The following SLC12A3 variants were observed in gnomAD, a reference collection of about 807,000 sequenced individuals.
SLC12A3 encodes the protein Na-Cl cotransporter.
In SLC12A3, 104 loss-of-function variants were observed where a neutral mutation model predicts 121.0. The observed-to-expected ratio is 0.86, with a 90% CI of 0.73 to 1.01. The LOEUF is 1.01. Ranked by LOEUF, SLC12A3 falls within the 50% of genes least tolerant of loss-of-function variation. The pLI, the probability that SLC12A3 is intolerant of heterozygous loss-of-function variation, is 0.00. For synonymous variants in SLC12A3, 536 were observed against 533.4 expected, an observed-to-expected ratio of 1.00 and a Z score of -0.07; for missense variants, 1,328 against 1,356.3, an observed-to-expected ratio of 0.98 and a Z score of 0.33.
intron 8 of SLC12A3, among the ~76,000 whole-genome samples, chr16:56,873,851 A>C (rs138811332): frequency 6.6e-6 from 1 of 151,678 alleles, no homozygotes; most frequent in African/African-American, 2.4e-5. Context: ...AGTTGAGACT[A>C]CAGGCACCTG....
intron 3 of SLC12A3, among the ~76,000 whole-genome samples, chr16:56,869,001 C>T (rs1964427701): frequency 6.6e-6 from 1 of 151,834 alleles, no homozygotes. Flanking sequence ...AAAAAGAAAG[C>T]TGCATTCTGG....
Position 56,879,138 on chromosome 16 carries a change from T to C in SLC12A3, c.1246T>C (p.Cys416Arg). 6.2e-7 allele frequency: 1 copy of C among 1,613,828 alleles called. No homozygotes were observed. The change falls in exon 10 of 26, where the codon TGC becomes CGC. Residue 416 changes from cysteine to arginine, a missense_variant. Transcript: ENST00000563236. ...NDTVTPGWGA[C>R]EGLACSYGWN... Reference sequence around the variant, plus strand: ...CACAGTGACCCCTGGCTGGGGTGCCTGCGAGGGGCTGGCCTGCAGCTATGG... The same window carrying C: ...CACAGTGACCCCTGGCTGGGGTGCCCGCGAGGGGCTGGCCTGCAGCTATGG...
chr16:56,874,742 T>A (rs1366535102), intron 8 of SLC12A3, among the ~76,000 whole-genome samples: 2 of 151,902 alleles, frequency 1.3e-5, no homozygotes, highest in Non-Finnish European at 2.9e-5. Flanking sequence ...AAGGCGGAGG[T>A]TGCAGTGAGC....
At chr16:56,867,322 C>A in intron 2 of SLC12A3, 106 bp downstream of exon 2, 1 of 1,160,888 alleles carries the variant, frequency 8.6e-7, no homozygotes, top group Admixed American at 2.1e-5. Flanking sequence ...GCTTCAGTTT[C>A]CCCATCTGTA....
In SLC12A3 at chr16:56,894,667, G is replaced by A. The variant is rs757949475; in HGVS notation, c.2633+25G>A. 6.4e-6 allele frequency: 10 copies of A among 1,551,876 alleles called. No individual in the cohort carries two copies. The Admixed American group carries it at 8.4e-5, about 13-fold the overall frequency. Reference sequence around the variant, plus strand: ...CGTAAGTGTGGAGGGCTGGCCTGGGGGTGACTGCAGGGACCAGTGTCATCT... The same window carrying A: ...CGTAAGTGTGGAGGGCTGGCCTGGGAGTGACTGCAGGGACCAGTGTCATCT... On this transcript the variant is annotated intron_variant, in intron 22 of 25. Coordinates refer to ENST00000563236, the MANE Select transcript of SLC12A3 (RefSeq NM_001126108.2).
intron 25 of SLC12A3, among the ~76,000 whole-genome samples, chr16:56,907,817 TG>T (rs2073774150): frequency 6.6e-6 from 1 of 152,212 alleles, no homozygotes; most frequent in Admixed American, 6.5e-5. Context: ...ACCATCACTC[TG>T]GGGATATGGA....
chr16:56,879,254 GA>G (rs1186867325), intron 10 of SLC12A3, 27 bp downstream of exon 10: 1 of 1,613,408 alleles, frequency 6.2e-7, no homozygotes, highest in Admixed American at 1.7e-5. Context: ...TGACCCACCA[GA>G]CACAGTGGGG....
intron 8 of SLC12A3, among the ~76,000 whole-genome samples, chr16:56,877,701 G>A (rs916067155): frequency 2.1e-4 from 32 of 152,322 alleles, no homozygotes; most frequent in African/African-American, 5.5e-4. Context: ...CGGGCAGGCC[G>A]ACTCCAGAGC....
chr16:56,885,308 G>A lies in SLC12A3; in HGVS notation c.1869G>A (p.Leu623=), dbSNP rs767965107. 1.9e-6 allele frequency: 3 copies of A among 1,556,002 alleles called. No individual in the cohort carries two copies. The highest frequency in any genetic ancestry group is 2.6e-6 in the Non-Finnish European group (3 of 1,149,382). ...GSSVQAGSYN[L]ALSYSVGLNE... ...CGGTACAGGCTGGCTCCTACAACCT[G>A]GCCCTCAGCTACTCGGTGGGCCTCA... The change falls in exon 15 of 26, where the codon CTG becomes CTA. Residue 623 remains leucine, a synonymous_variant. Transcript: ENST00000563236.
At chr16:56,889,369 C>T (rs1208474867) in intron 18 of SLC12A3, among the ~76,000 whole-genome samples, 2 of 152,330 alleles carry the variant, frequency 1.3e-5, no homozygotes, top group East Asian at 1.9e-4. Context: ...GAGGGCAGTG[C>T]GCAGCCCATT....
chr16:56,892,855 G>A (rs1209672062), intron 20 of SLC12A3, 98 bp from the exon 21 acceptor site: 4 of 905,610 alleles, frequency 4.4e-6, no homozygotes, highest in South Asian at 1.4e-5. Flanking sequence ...CAGAGAACCC[G>A]TGTTCAACAT....
chr16:56,901,324 A>G (rs920671638), intron 23 of SLC12A3, among the ~76,000 whole-genome samples: 11 of 146,548 alleles, frequency 7.5e-5, no homozygotes, highest in African/African-American at 2.6e-4. Flanking sequence ...CTGAATGCCA[A>G]TCAGCCCTAC....
intron 17 of SLC12A3, 92 bp from the exon 18 acceptor site, chr16:56,887,833 C>A: frequency 7.2e-6 from 4 of 557,716 alleles, no homozygotes; most frequent in Middle Eastern, 5.6e-4. Context: ...ATCAGCACAT[C>A]TGGAGACATC....
intron 25 of SLC12A3, chr16:56,906,746 CT>C: frequency 1.4e-6 from 1 of 707,932 alleles, no homozygotes; most frequent in Non-Finnish European, 2.3e-6. Context: ...AGACAACTAG[CT>C]TTGGCATGAT....
chr16:56,904,513 C>T, intron 25 of SLC12A3, 51 bp downstream of exon 25: 1 of 1,576,168 alleles, frequency 6.3e-7, no homozygotes, highest in Non-Finnish European at 8.7e-7. Flanking sequence ...AGTCAGGTGT[C>T]TCAGCTCTGG....
chr16:56,877,979 A>G (rs2055184847), intron 8 of SLC12A3, 98 bp from the exon 9 acceptor site: 2 of 721,246 alleles, frequency 2.8e-6, no homozygotes, highest in Non-Finnish European at 4.7e-6. Context: ...GACAAGGAGG[A>G]CAGGCCTGGA....
At chr16:56,881,876 C>T (rs1175749124) in intron 12 of SLC12A3, among the ~76,000 whole-genome samples, 1 of 151,934 alleles carries the variant, frequency 6.6e-6, no homozygotes, top group East Asian at 1.9e-4. Context: ...TGGTGAAACC[C>T]TGTTTCTACT....
rs1416588239 is a variant in SLC12A3 at position 56,887,051 on chromosome 16, C to T, written c.2136C>T (p.Val712=). Reference sequence around the variant, plus strand: ...AGATCAAGGCCTTCTACTCGGATGTCATTGCCGAGGACCTCCGCAGAGGCG... The same window carrying T: ...AGATCAAGGCCTTCTACTCGGATGTTATTGCCGAGGACCTCCGCAGAGGCG... ...KRKIKAFYSD[V]IAEDLRRGVQ... The change falls in exon 17 of 26, where the codon GTC becomes GTT. Residue 712 remains valine (V), a synonymous_variant. Transcript: ENST00000563236. 1.9e-6 allele frequency: 3 copies of T among 1,614,064 alleles called. No homozygotes were observed. The highest frequency in any genetic ancestry group is 2.5e-6 in the Non-Finnish European group (3 of 1,180,038).
chr16:56,869,733 G>A lies in SLC12A3; in HGVS notation c.510G>A (p.Leu170=). ...PWITAQAGIV[L]TWIIILLSVT... ...AGCTTTGGGTGCCCCCTGCAGTCCT[G>A]ACCTGGATCATCATCCTGCTGTCGG... The change falls in exon 4 of 26, where the codon CTG becomes CTA. Residue 170 remains leucine (L), a synonymous_variant. Coordinates refer to ENST00000563236, the MANE Select transcript of SLC12A3 (RefSeq NM_001126108.2). The A allele has an allele frequency of 6.2e-7, 1 of 1,614,048 alleles. No homozygotes were observed. The highest frequency in any genetic ancestry group is 1.7e-5 in the Admixed American group (1 of 60,018).
Sources: gnomAD v4.1 joint callset for allele counts (sites outside exome capture counted in the v4.1 genomes callset) on GRCh38, gnomAD v4.1.1 for gene constraint, MANE v1.5 for transcripts, NCBI Gene and HGNC (gene_info 2026-07-23, HGNC 2026-07-21) for gene names.